Variants in CASKIN2 observed in about 807,000 individuals in gnomAD.
CASKIN2 encodes CASK interacting protein 2.
A neutral mutation model predicts 107.1 loss-of-function variants in CASKIN2; 41 were observed. The ratio of observed to expected loss-of-function variants is 0.38; its 90% CI spans 0.30 to 0.50. The LOEUF is 0.50. CASKIN2 is among the 20% of genes least tolerant of loss of function. The pLI is 0.92. For synonymous variants in CASKIN2, 724 were observed against 705.6 expected (o/e 1.03, Z -0.41); for missense variants, 1,546 against 1,657.4 (o/e 0.93, Z 1.17).
rs745781743 is a variant in CASKIN2, at chr17:75,513,734, G to A, written c.71C>T (p.Ala24Val). 1.4e-5 allele frequency: 22 copies of A among 1,613,514 alleles called. 1 individual carries two copies. In the East Asian group the frequency reaches 1.8e-4, roughly 13 times the overall value. Residue 24 changes from alanine to valine, a missense_variant, in exon 2 of 20, where the codon GCG becomes GTG. Physicochemically the swap from Ala to Val is moderately conservative, Grantham distance 64 (BLOSUM62 0). Coordinates refer to ENST00000321617, the MANE Select transcript of CASKIN2 (RefSeq NM_020753.5). The part of the protein sequence containing the change: ...GDVTGVQKLV[A>V]KVKATKTKLL... ...ACTTGTCTTTGTGGCCTTGACCTTCGCCACCAGTTTCTGCACACCGGTCAC... is the reference window on the plus strand; with the variant it reads ...ACTTGTCTTTGTGGCCTTGACCTTCACCACCAGTTTCTGCACACCGGTCAC...
In CASKIN2 at chr17:75,506,046, A is replaced by T. The variant is rs545029367; in HGVS notation, c.727-117T>A. ...ATTTTCCGATTTTACAGATGAGGAC[A>T]TAGAGGCTCAGGGACTCAGTCAAGG... is the stretch of plus-strand genomic sequence containing the variant. On this transcript the variant is annotated intron_variant, in intron 8 of 19. Coordinates refer to ENST00000321617, the MANE Select transcript of CASKIN2 (RefSeq NM_020753.5). This position sits in a 1 kb window ranked among gnomAD's most constrained non-coding sequence, Gnocchi z 4.8. 3.0e-5 allele frequency: 26 copies of T among 867,590 alleles called. No individual in the cohort carries two copies. The South Asian group carries it at 3.4e-4, about 11-fold the overall frequency. The allele number at this position is 867,590 out of a possible 1,614,324, so 53.7% of individuals were successfully genotyped here.
intron 2 of CASKIN2, chr17:75,509,862 C>T (rs2053302271): frequency 3.0e-6 from 3 of 985,722 alleles, no homozygotes; most frequent in African/African-American, 3.5e-5. Flanking sequence ...TGGCGGGATG[C>T]AGTCCCTCCC....
rs1212591429 is a variant in CASKIN2 at position 75,502,658 on chromosome 17, G to A, written c.2416C>T (p.Pro806Ser). Residue 806 changes from proline (P) to serine (S), a missense_variant, in exon 18 of 20, where the codon CCC (proline) becomes TCC (serine). By Grantham distance (74) the Pro-to-Ser change is moderately conservative. Around this residue, in one of 6 missense-constraint regions of CASKIN2, gnomAD observed 1,311 missense variants for 1,311.0 expected, o/e 1.00. Transcript: ENST00000321617. This position sits in a 1 kb window ranked among gnomAD's most constrained non-coding sequence, Gnocchi z 4.3. ...TCCCCCTCAGCATCCCCCTCTGTGGGGCCAGGGCGGCTTAGGCTGTGGGAC... is the reference window on the plus strand; with the variant it reads ...TCCCCCTCAGCATCCCCCTCTGTGGAGCCAGGGCGGCTTAGGCTGTGGGAC... ...RRSHSLSRPG[P>S]TEGDAEGEAE... The A allele has an allele frequency of 6.2e-7, 1 of 1,604,160 alleles. No individual in the cohort carries two copies. The highest frequency in any genetic ancestry group is 8.5e-7 in the Non-Finnish European group (1 of 1,175,206).
intron 2 of CASKIN2, among the ~76,000 whole-genome samples, chr17:75,509,157 C>T (rs1001171968): frequency 6.6e-6 from 1 of 152,228 alleles, no homozygotes; most frequent in Non-Finnish European, 1.5e-5. Context: ...GGGCCACCCC[C>T]TCTCGGGGCA....
intron 2 of CASKIN2, among the ~76,000 whole-genome samples, chr17:75,511,281 G>A (rs1256648296): frequency 6.6e-6 from 1 of 151,916 alleles, no homozygotes; most frequent in Non-Finnish European, 1.5e-5. Flanking sequence ...GGCTGGTCTC[G>A]AACTCCTGAC....
At chr17:75,512,921 T>G (rs2053326561) in intron 2 of CASKIN2, among the ~76,000 whole-genome samples, 1 of 151,878 alleles carries the variant, frequency 6.6e-6, no homozygotes. Flanking sequence ...ACAGCTATCT[T>G]ATAGATATCC....
intron 2 of CASKIN2, among the ~76,000 whole-genome samples, chr17:75,511,573 C>T (rs2053316159): frequency 6.6e-6 from 1 of 152,208 alleles, no homozygotes; most frequent in Non-Finnish European, 1.5e-5. Flanking sequence ...ATAAGGTTTG[C>T]AAATGTCACC....
chr17:75,504,510 G>T, intron 12 of CASKIN2, 30 bp from the exon 13 acceptor site: 1 of 1,596,918 alleles, frequency 6.3e-7, no homozygotes, highest in Non-Finnish European at 8.6e-7. Context: ...AGCCAACTCA[G>T]CATTTGGGGA....
In CASKIN2 at chr17:75,514,028, G is replaced by C. The variant is rs560837615; in HGVS notation, c.-224C>G. On this transcript the variant is annotated 5_prime_UTR_variant, in exon 2 of 20. Coordinates refer to ENST00000321617, the MANE Select transcript of CASKIN2 (RefSeq NM_020753.5). ...ACACGAAGGAAAGCTAATCTTTGAG[G>C]GGGTGAAGGCTACATGGAAATCTGG... 1.8e-3 allele frequency: 1,058 copies of C among 589,546 alleles called. 16 individuals carry two copies. The highest frequency in any genetic ancestry group is 0.017 in the South Asian group (796 of 47,818). The allele number at this position is 589,546 out of a possible 1,614,324, so 36.5% of individuals were successfully genotyped here.
At chr17:75,504,371 CCTTA>C (rs767947483) in intron 13 of CASKIN2, 45 bp downstream of exon 13, 29 of 1,599,344 alleles carry the variant, frequency 1.8e-5, no homozygotes, top group Non-Finnish European at 2.3e-5. Flanking sequence ...CCCTCGGCCT[CCTTA>C]CTTGCACCTC....
At chr17:75,510,442 C>T (rs1428696105) in intron 2 of CASKIN2, among the ~76,000 whole-genome samples, 1 of 152,144 alleles carries the variant, frequency 6.6e-6, no homozygotes, top group African/African-American at 2.4e-5. Flanking sequence ...TTTCCCTTGC[C>T]TTCTTACGAT....
In CASKIN2 at chr17:75,504,555, T is replaced by G. The variant is rs2053243314; in HGVS notation, c.1314+17A>C. 2 of 1,594,526 alleles carry G rather than the reference T, an allele frequency of 1.3e-6. No homozygotes were observed. The highest frequency in any genetic ancestry group is 2.7e-5 in the African/African-American group (2 of 74,618). Reference sequence around the variant, plus strand: ...GGGGAGTGAGCCCTGACCTGGTCCGTGACCCCATCATCCTACCTGGGCGTT... The same window carrying G: ...GGGGAGTGAGCCCTGACCTGGTCCGGGACCCCATCATCCTACCTGGGCGTT... On this transcript the variant is annotated intron_variant, in intron 12 of 19. Transcript: ENST00000321617.
At chr17:75,515,151 C>G (rs992252230) in intron 1 of CASKIN2, 7 of 152,498 alleles carry the variant, frequency 4.6e-5, no homozygotes, top group African/African-American at 1.7e-4. Flanking sequence ...CCCCCGCCCC[C>G]CGGAATGTCC....
intron 3 of CASKIN2, among the ~76,000 whole-genome samples, chr17:75,508,026 C>G (rs1400042187): frequency 6.6e-6 from 1 of 152,164 alleles, no homozygotes. Flanking sequence ...GGCCCCTCCC[C>G]TCACTCAGGG....
At chr17:75,507,729 C>T (rs1276559188) in intron 3 of CASKIN2, 48 bp from the exon 4 acceptor site, 1 of 1,423,538 alleles carries the variant, frequency 7.0e-7, no homozygotes. Context: ...GCAGCCCCCA[C>T]CCCCAAATCC....
chr17:75,511,139 C>T (rs1221555594), intron 2 of CASKIN2, among the ~76,000 whole-genome samples: 1 of 148,602 alleles, frequency 6.7e-6, no homozygotes, highest in Non-Finnish European at 1.5e-5. Flanking sequence ...CAGCTCACTG[C>T]AACCTCTGCC....
chr17:75,502,583 G>A lies in CASKIN2; in HGVS notation c.2491C>T (p.Arg831Trp), dbSNP rs756407294. 18 of 1,593,270 alleles carry A rather than the reference G, an allele frequency of 1.1e-5. No homozygotes were observed. Among genetic ancestry groups the A allele is most frequent in the East Asian group, 2.3e-5 (1 of 44,156 alleles). The change falls in exon 18 of 20, where the codon CGG becomes TGG. Residue 831 changes from arginine to tryptophan, a missense_variant. Physicochemically the swap from Arg to Trp is moderately radical, Grantham distance 101. Transcript: ENST00000321617. The surrounding 1 kb of genome is among the most constrained non-coding windows in gnomAD (Gnocchi z 4.3). ...ACAAGGGCACTGCGTCCTGGCCGCC[G>A]GGTAAGGGTAGCATAACTGCCTAGG... is the stretch of plus-strand genomic sequence containing the variant. Reference protein sequence around the residue: ...STLGSYATLTRRPGRSALVRT... With the variant: ...STLGSYATLTWRPGRSALVRT...
At chr17:75,509,709 T>C in intron 2 of CASKIN2, 1 of 985,364 alleles carries the variant, frequency 1.0e-6, no homozygotes, top group South Asian at 4.7e-5. Context: ...TGTGTGACCC[T>C]GGCCTGCCAC....
In CASKIN2 at chr17:75,502,708, G is replaced by C. The variant is rs767678105; in HGVS notation, c.2366C>G (p.Pro789Arg). Residue 789 changes from proline to arginine, a missense_variant, in exon 18 of 20, where the codon CCA becomes CGA. Transcript: ENST00000321617. This position sits in a 1 kb window ranked among gnomAD's most constrained non-coding sequence, Gnocchi z 4.3. ...SYLAGPPATP[P>R]DPPRPKRRSH... is the part of the protein sequence containing the mutation. Reference sequence around the variant, plus strand: ...CCGGCGCTTAGGTCGAGGCGGGTCTGGGGGAGTGGCAGGGGGCCCGGCCAA... The same window carrying C: ...CCGGCGCTTAGGTCGAGGCGGGTCTCGGGGAGTGGCAGGGGGCCCGGCCAA... 1.9e-6 allele frequency: 3 copies of C among 1,589,758 alleles called. No individual in the cohort carries two copies. Among genetic ancestry groups the C allele is most frequent in the Non-Finnish European group, 2.6e-6 (3 of 1,166,000 alleles).
Sources: gnomAD v4.1 joint callset for allele counts (sites outside exome capture counted in the v4.1 genomes callset) on GRCh38, gnomAD v4.1.1 for gene constraint, gnomAD v4.1.1 regional missense constraint, Gnocchi (gnomAD v3.1) non-coding constraint, MANE v1.5 for transcripts, NCBI Gene and HGNC (gene_info 2026-07-23, HGNC 2026-07-21) for gene names.